PPARGC1A: variants seen among roughly 807,000 people sequenced by gnomAD.
PPARGC1A encodes the protein PPARG coactivator 1 alpha.
PPARGC1A carries 25 observed loss-of-function variants against 88.7 expected under a neutral mutation model. The observed-to-expected ratio is 0.28, with a 90% CI of 0.21 to 0.39. PPARGC1A has a LOEUF of 0.39. PPARGC1A is among the 10% of genes least tolerant of loss of function. The pLI, the probability that PPARGC1A is intolerant of heterozygous loss-of-function variation, is 1.00. For synonymous variants in PPARGC1A, 363 were observed against 355.6 expected (o/e 1.02, Z -0.24); for missense variants, 880 against 968.7 (o/e 0.91, Z 1.22).
chr4:23,878,435 G>A (rs192616398), intron 2 of PPARGC1A, among the ~76,000 whole-genome samples: 1 of 151,966 alleles, frequency 6.6e-6, no homozygotes, highest in Non-Finnish European at 1.5e-5. Flanking sequence ...GTTAGTGCCA[G>A]TGAAAGATGG....
chr4:24,201,857 A>T, the PPARGC1A span, among the ~76,000 whole-genome samples: 10 of 151,838 alleles, frequency 6.6e-5, no homozygotes, highest in Non-Finnish European at 1.5e-4. Context: ...AGTTCTATTT[A>T]TGGCATCTTT....
At chr4:23,836,054 G>C (rs867806824) in intron 2 of PPARGC1A, among the ~76,000 whole-genome samples, 1 of 152,162 alleles carries the variant, frequency 6.6e-6, no homozygotes, top group Non-Finnish European at 1.5e-5. Context: ...GACATTGCAA[G>C]ATAACCTTTC....
chr4:23,997,828 T>A, the PPARGC1A span, among the ~76,000 whole-genome samples: 1 of 152,088 alleles, frequency 6.6e-6, no homozygotes, highest in Admixed American at 6.6e-5. Flanking sequence ...TAGTTGGCAA[T>A]AGAGATGGTT....
the PPARGC1A span, among the ~76,000 whole-genome samples, chr4:24,452,304 G>T: frequency 1.3e-5 from 2 of 149,628 alleles, no homozygotes. Flanking sequence ...CCCTATTCTT[G>T]TTGGTTTTGT....
the PPARGC1A span, among the ~76,000 whole-genome samples, chr4:24,406,901 G>A: frequency 1.5e-4 from 23 of 152,188 alleles, no homozygotes; most frequent in African/African-American, 5.6e-4. Flanking sequence ...ATGTTCCCTG[G>A]AGAAAGGGAA....
the PPARGC1A span, among the ~76,000 whole-genome samples, chr4:24,208,682 A>AT: frequency 1.9e-4 from 26 of 134,982 alleles, no homozygotes; most frequent in African/African-American, 6.9e-4. Context: ...TCAGAAAAAA[A>AT]ATATATATAT....
At chr4:23,902,542 A>T (rs115876550), upstream of PPARGC1A, among the ~76,000 whole-genome samples, 1,046 of 152,306 alleles carry the variant, frequency 6.9e-3, 15 homozygotes, top group African/African-American at 0.024. Context: ...AGCACCCTCC[A>T]CATCTGTTGC....
chr4:23,813,816 G>C lies in PPARGC1A; in HGVS notation c.1667C>G (p.Ser556Cys). The change falls in exon 8 of 13, where the codon TCC becomes TGC. Residue 556 changes from serine (S) to cysteine (C), a missense_variant. Transcript: ENST00000264867. ...CCTTTGGGGTCTTTGAGAAAATAAGGATTTGGGTGGTGACACAGAATCTCT... is the reference window on the plus strand; with the variant it reads ...CCTTTGGGGTCTTTGAGAAAATAAGCATTTGGGTGGTGACACAGAATCTCT... ...PCRDSVSPPK[S>C]LFSQRPQRMR... 1.2e-6 allele frequency: 2 copies of C among 1,613,884 alleles called. No homozygotes were observed. The highest frequency in any genetic ancestry group is 1.3e-5 in the African/African-American group (1 of 75,018).
At chr4:24,173,952 A>G in the PPARGC1A span, among the ~76,000 whole-genome samples, 1 of 152,320 alleles carries the variant, frequency 6.6e-6, no homozygotes, top group Non-Finnish European at 1.5e-5. Flanking sequence ...TTTTTGGGGA[A>G]CCATAATTCT....
the PPARGC1A span, among the ~76,000 whole-genome samples, chr4:24,057,639 G>T: frequency 1.3e-5 from 2 of 152,168 alleles, no homozygotes; most frequent in African/African-American, 4.8e-5. Flanking sequence ...GTAGTGATGT[G>T]CTATTAACAC....
At chr4:24,121,552 G>A in the PPARGC1A span, among the ~76,000 whole-genome samples, 5 of 151,994 alleles carry the variant, frequency 3.3e-5, no homozygotes, top group Non-Finnish European at 5.9e-5. Flanking sequence ...TTGGACACAG[G>A]AGCCACTCCT....
chr4:24,052,231 C>T, the PPARGC1A span, among the ~76,000 whole-genome samples: 1,457 of 152,236 alleles, frequency 9.6e-3, 14 homozygotes, highest in Middle Eastern at 0.054. Context: ...CAGATGTTCT[C>T]ACAATGAATA....
At chr4:23,801,069 A>G (rs773844202) in intron 12 of PPARGC1A, among the ~76,000 whole-genome samples, 5 of 151,768 alleles carry the variant, frequency 3.3e-5, no homozygotes, top group Non-Finnish European at 7.4e-5. Context: ...GATATTTCTA[A>G]GTGTCTGTGA....
At chr4:24,290,936 G>C in the PPARGC1A span, among the ~76,000 whole-genome samples, 10 of 152,162 alleles carry the variant, frequency 6.6e-5, no homozygotes, top group Admixed American at 3.3e-4. Flanking sequence ...TTAATTTGAA[G>C]CAGCCACTTC....
At chr4:24,434,693 C>T in the PPARGC1A span, among the ~76,000 whole-genome samples, 1 of 152,186 alleles carries the variant, frequency 6.6e-6, no homozygotes, top group Admixed American at 6.5e-5. Flanking sequence ...ATGGATTTTG[C>T]CAACATCAGA....
chr4:23,812,570 A>G (rs114803201), intron 10 of PPARGC1A, among the ~76,000 whole-genome samples, 177 bp downstream of exon 10: 86 of 152,318 alleles, frequency 5.6e-4, no homozygotes, highest in African/African-American at 1.9e-3. Context: ...TTTGTTTTCC[A>G]ATAAGTTAGG....
chr4:24,171,689 G>A, the PPARGC1A span, among the ~76,000 whole-genome samples: 1 of 152,088 alleles, frequency 6.6e-6, no homozygotes, highest in Non-Finnish European at 1.5e-5. Flanking sequence ...GTGATAAGCA[G>A]TCATATTTAC....
At chr4:23,877,419 T>C (rs143276512) in intron 2 of PPARGC1A, among the ~76,000 whole-genome samples, 2,602 of 144,744 alleles carry the variant, frequency 0.018, 69 homozygotes, top group African/African-American at 0.063. Flanking sequence ...TCGCCTGTAG[T>C]CCCAGCTACT....
chr4:24,175,663 C>T, the PPARGC1A span, among the ~76,000 whole-genome samples: 1 of 150,756 alleles, frequency 6.6e-6, no homozygotes, highest in African/African-American at 2.4e-5. Context: ...GCTGGGATTA[C>T]AGGCGTGAGC....
Sources: gnomAD v4.1 joint callset for allele counts (sites outside exome capture counted in the v4.1 genomes callset) on GRCh38, gnomAD v4.1.1 for gene constraint, MANE v1.5 for transcripts, NCBI Gene and HGNC (gene_info 2026-07-23, HGNC 2026-07-21) for gene names.